The following PSG5 variants were observed in gnomAD, a reference collection of about 807,000 sequenced individuals.
PSG5 encodes the protein pregnancy-specific beta-1-glycoprotein 5.
In PSG5, 53 loss-of-function variants were observed where a neutral mutation model predicts 37.7. The ratio of observed to expected loss-of-function variants is 1.41; its 90% confidence interval spans 1.13 to 1.77. The LOEUF is 1.77. Ranked by LOEUF, PSG5 falls within the 40% of genes most tolerant of loss-of-function variation. The pLI is 0.00. For synonymous variants in PSG5, 221 were observed against 155.4 expected, an observed-to-expected ratio of 1.42 and a Z score of -3.14; for missense variants, 547 against 405.2, an observed-to-expected ratio of 1.35 and a Z score of -3.00.
At chr19:43,168,979 A>G (rs555227841) in intron 5 of PSG5, among the ~76,000 whole-genome samples, 15 of 151,758 alleles carry the variant, frequency 9.9e-5, no homozygotes, top group South Asian at 2.1e-4. Flanking sequence ...TCCTTGTTAC[A>G]TGTTAGTAGT....
At chr19:43,168,244 C>G (rs1434642574) in intron 5 of PSG5, 41 bp from the exon 6 acceptor site, 5 of 389,546 alleles carry the variant, frequency 1.3e-5, no homozygotes, top group Non-Finnish European at 2.4e-5. Context: ...GGTTAAAAAT[C>G]TAATGAGAAT....
At chr19:43,175,076 G>C in intron 4 of PSG5, 139 bp downstream of exon 4, 1 of 1,571,650 alleles carries the variant, frequency 6.4e-7, no homozygotes, top group Non-Finnish European at 8.6e-7. Context: ...CAAATTGGAA[G>C]GGTTCAGGAG....
At chr19:43,178,935 T>G (rs745876273) in intron 2 of PSG5, 22 of 1,612,748 alleles carry the variant, frequency 1.4e-5, no homozygotes, top group Non-Finnish European at 1.9e-5. Context: ...GTTCCGTATT[T>G]CACATTCATA....
intron 2 of PSG5, 93 bp downstream of exon 2, chr19:43,184,689 A>G (rs1969204245): frequency 6.3e-7 from 1 of 1,588,356 alleles, no homozygotes. Flanking sequence ...GCAGAGAGGG[A>G]CACAGGCACA....
At chr19:43,169,797 A>G (rs1968865103) in intron 5 of PSG5, among the ~76,000 whole-genome samples, 1 of 151,598 alleles carries the variant, frequency 6.6e-6, no homozygotes, top group Admixed American at 6.6e-5. Flanking sequence ...GGGTTTCACC[A>G]TGTGAAATTG....
intron 3 of PSG5, 194 bp downstream of exon 3, chr19:43,175,676 G>C: frequency 1.4e-6 from 2 of 1,388,008 alleles, no homozygotes; most frequent in Non-Finnish European, 1.9e-6. Context: ...CATGACAAGA[G>C]CGCCCCCTCC....
chr19:43,176,060 A>T lies in PSG5; in HGVS notation c.519T>A (p.Ser173Arg), dbSNP rs1568372158. The change falls in exon 3 of 6, where the codon AGT becomes AGA. Residue 173 changes from serine to arginine, a missense_variant. Coordinates refer to ENST00000342951, the MANE Select transcript of PSG5 (RefSeq NM_002781.4). ...GCCACCAAATGTAGGTGTAGTTCTC[A>T]CTCTTAGGTTCACAGGTGAAGGCTA... ...DVLAFTCEPK[S>R]ENYTYIWWLN... 1.4e-5 allele frequency: 22 copies of T among 1,610,506 alleles called. No homozygotes were observed. Among genetic ancestry groups the T allele is most frequent in the Non-Finnish European group, 1.8e-5 (21 of 1,179,074 alleles).
rs116339766 is a variant in PSG5 at position 43,179,784 on chromosome 19, G to A, written c.431-3636C>T. Among the ~76,000 whole-genome samples, 525 of 151,848 alleles carry A rather than the reference G, an allele frequency of 3.5e-3. 23 individuals are homozygous for A. Among genetic ancestry groups the A allele is most frequent in the African/African-American group, 0.012 (500 of 41,326 alleles). ...GTCTCATAGTGACTGACTTGAGCCA[G>A]TGACTTCTAAAGATAGAGCAGAGTC... On this transcript the variant is annotated intron_variant, in intron 2 of 5. Coordinates refer to ENST00000342951, the MANE Select transcript of PSG5 (RefSeq NM_002781.4).
chr19:43,176,215 A>C (rs565212234), intron 2 of PSG5, 67 bp from the exon 3 acceptor site: 1 of 1,579,840 alleles, frequency 6.3e-7, no homozygotes, highest in South Asian at 1.2e-5. Context: ...GCATCCTTCA[A>C]TCAGAGTTGG....
At chr19:43,181,513 C>A (rs765816577) in intron 2 of PSG5, among the ~76,000 whole-genome samples, 2 of 151,534 alleles carry the variant, frequency 1.3e-5, no homozygotes, top group Non-Finnish European at 2.9e-5. Context: ...GGCTGGAGTG[C>A]AGTGGCATGA....
chr19:43,177,206 AT>A (rs1231705121), intron 2 of PSG5, among the ~76,000 whole-genome samples: 1 of 151,584 alleles, frequency 6.6e-6, no homozygotes, highest in Non-Finnish European at 1.5e-5. Flanking sequence ...AGTGGGGAGA[AT>A]CAGAAGTTGT....
chr19:43,184,782 G>A lies in PSG5; in HGVS notation c.430C>T (p.Leu144=), dbSNP rs150128641. The A allele has an allele frequency of 2.6e-5, 42 of 1,611,980 alleles. No homozygotes were observed. The highest frequency in any genetic ancestry group is 2.6e-4 in the African/African-American group (19 of 74,460). The change falls in exon 2 of 6, where the codon CTG becomes TTG. Residue 144 remains leucine (L), a splice_region_variant and synonymous_variant. Coordinates refer to ENST00000342951, the MANE Select transcript of PSG5 (RefSeq NM_002781.4). ...VTGYFTFNLY[L]KLPKPYITIN... ...CCAGGGATCATGTGGAATCACTCAC[G>A]GTATAAGTTGAAGGTGAAATATCCA...
At chr19:43,182,817 C>T (rs892431287) in intron 2 of PSG5, among the ~76,000 whole-genome samples, 1 of 146,108 alleles carries the variant, frequency 6.8e-6, no homozygotes, top group African/African-American at 2.6e-5. Flanking sequence ...GTCAGCCTCA[C>T]AAAGGGAAAG....
chr19:43,184,815 C>T lies in PSG5; in HGVS notation c.397G>A (p.Gly133Arg). Residue 133 changes from glycine (G) to arginine (R), a missense_variant, in exon 2 of 6, where the codon GGA becomes AGA. Gly to Arg is a moderately radical substitution (Grantham distance 125). Coordinates refer to ENST00000342951, the MANE Select transcript of PSG5 (RefSeq NM_002781.4). ...TTGAAGGTGAAATATCCAGTTACTC[C>T]TCTAGTCCTATCACCTCGCTTTATG... ...HIIKRGDRTR[G>R]VTGYFTFNLY... 1.2e-6 allele frequency: 2 copies of T among 1,612,388 alleles called. No individual in the cohort carries two copies. Among genetic ancestry groups the T allele is most frequent in the Non-Finnish European group, 1.7e-6 (2 of 1,179,048 alleles).
rs373554845 is a variant in PSG5, at chr19:43,186,400, C to T, written c.6G>A (p.Gly2=). The change falls in exon 1 of 6, where the codon GGG becomes GGA. Residue 2 remains glycine, a synonymous_variant. Coordinates refer to ENST00000342951, the MANE Select transcript of PSG5 (RefSeq NM_002781.4). M[G]PLSAPPCTQH... is the part of the protein sequence containing the mutation. ...GTGTGCAGGGAGGGGCTGAGAGGGG[C>T]CCCATGGTCTCTGCGCCTGCGTGTT... 31 of 1,612,084 alleles carry T rather than the reference C, an allele frequency of 1.9e-5. No homozygotes were observed. The highest frequency in any genetic ancestry group is 2.4e-5 in the Non-Finnish European group (28 of 1,178,930).
chr19:43,175,170 A>G (rs1968978176), intron 4 of PSG5, 45 bp downstream of exon 4: 1 of 1,611,754 alleles, frequency 6.2e-7, no homozygotes, highest in East Asian at 2.2e-5. Flanking sequence ...AGCCAGGTAG[A>G]CTCCACCTAA....
At position 43,175,183 on chromosome 19, in the gene PSG5, C is replaced by T. The variant is rs529517656; in HGVS notation, c.964+32G>A. On this transcript the variant is annotated intron_variant, in intron 4 of 5. Coordinates refer to ENST00000342951, the MANE Select transcript of PSG5 (RefSeq NM_002781.4). ...AAAGCCAGGTAGACTCCACCTAAAA[C>T]CCTATTGCCAAGGATGCTGGGATCC... The T allele has an allele frequency of 2.5e-6, 4 of 1,612,292 alleles. No homozygotes were observed. The Admixed American group carries it at 5.0e-5, about 20-fold the overall frequency.
intron 2 of PSG5, among the ~76,000 whole-genome samples, chr19:43,183,010 G>A (rs536351835): frequency 1.3e-5 from 2 of 151,064 alleles, no homozygotes; most frequent in Non-Finnish European, 3.0e-5. Flanking sequence ...GTTAGAGGGA[G>A]TGTCTGGGGA....
chr19:43,179,356 G>A (rs1243085474), intron 2 of PSG5, among the ~76,000 whole-genome samples: 2 of 151,588 alleles, frequency 1.3e-5, no homozygotes, highest in Non-Finnish European at 2.9e-5. Flanking sequence ...TTATGTGGGA[G>A]AAGTACAGGC....
Sources: gnomAD v4.1 joint callset for allele counts (sites outside exome capture counted in the v4.1 genomes callset) on GRCh38, gnomAD v4.1.1 for gene constraint, MANE v1.5 for transcripts, NCBI Gene and HGNC (gene_info 2026-07-23, HGNC 2026-07-21) for gene names.